Variants in RRM2B observed in about 807,000 individuals in gnomAD.
RRM2B encodes ribonucleotide reductase regulatory TP53 inducible subunit M2B.
A neutral mutation model predicts 45.9 loss-of-function variants in RRM2B; 20 were observed. That is an observed-to-expected ratio of 0.44 (90% CI 0.31 to 0.63). The LOEUF (loss-of-function observed/expected upper bound fraction) is 0.63, where lower values mean the gene tolerates loss of function less well. RRM2B is among the 30% of genes least tolerant of loss of function. The pLI, the probability that RRM2B is intolerant of heterozygous loss-of-function variation, is 0.09. For missense variants in RRM2B, 320 were observed against 414.7 expected, an observed-to-expected ratio of 0.77 and a Z score of 1.98; for synonymous variants, 124 against 132.3, an observed-to-expected ratio of 0.94 and a Z score of 0.43.
intron 1 of RRM2B, among the ~76,000 whole-genome samples, chr8:102,233,165 G>GTC (rs917174993): frequency 2.6e-5 from 4 of 152,094 alleles, no homozygotes; most frequent in Non-Finnish European, 5.9e-5. Context: ...ATCCAAAACT[G>GTC]TCTCTCTCTC....
At chr8:102,238,707 G>A in intron 1 of RRM2B, 120 bp downstream of exon 1, 2 of 1,568,146 alleles carry the variant, frequency 1.3e-6, no homozygotes, top group Non-Finnish European at 1.7e-6. Flanking sequence ...TGCGGCGAGG[G>A]CGGGCGGACA....
At chr8:102,225,270 T>C (rs866686894) in intron 3 of RRM2B, among the ~76,000 whole-genome samples, 1 of 145,616 alleles carries the variant, frequency 6.9e-6, no homozygotes, top group Non-Finnish European at 1.5e-5. Flanking sequence ...AGTCTCGATC[T>C]GTCACCAGGC....
At chr8:102,228,833 GA>G (rs1810979496) in intron 2 of RRM2B, among the ~76,000 whole-genome samples, 2 of 152,242 alleles carry the variant, frequency 1.3e-5, no homozygotes, top group African/African-American at 2.4e-5. Context: ...TCCCACCCAC[GA>G]AGGGATCGGA....
At chr8:102,231,820 G>C (rs1811033605) in intron 2 of RRM2B, among the ~76,000 whole-genome samples, 1 of 143,090 alleles carries the variant, frequency 7.0e-6, no homozygotes, top group Non-Finnish European at 1.5e-5. Context: ...AGTGAGCTGA[G>C]ATCGCGCCAC....
chr8:102,223,556 G>A (rs973673101), intron 5 of RRM2B, among the ~76,000 whole-genome samples: 14 of 151,988 alleles, frequency 9.2e-5, no homozygotes, highest in African/African-American at 2.4e-4. Context: ...TAAGCTGAGC[G>A]TGGTGGTAGG....
At chr8:102,226,160 G>T in intron 2 of RRM2B, 126 bp from the exon 3 acceptor site, 2 of 670,558 alleles carry the variant, frequency 3.0e-6, no homozygotes, top group South Asian at 3.2e-5. Context: ...AAAGAAAGAT[G>T]TTAGCACTGC....
chr8:102,216,343 A>G (rs994558272), intron 6 of RRM2B, among the ~76,000 whole-genome samples: 4 of 152,036 alleles, frequency 2.6e-5, no homozygotes, highest in African/African-American at 7.2e-5. Flanking sequence ...AAAAACCAAG[A>G]AAAAAAATGT....
intron 2 of RRM2B, among the ~76,000 whole-genome samples, chr8:102,230,246 A>G (rs1226462445): frequency 6.6e-6 from 1 of 152,244 alleles, no homozygotes; most frequent in African/African-American, 2.4e-5. Flanking sequence ...TAAATGAAAA[A>G]TATGTGGAAC....
chr8:102,235,015 T>C (rs188680252), intron 1 of RRM2B, among the ~76,000 whole-genome samples: 4 of 152,308 alleles, frequency 2.6e-5, no homozygotes, highest in Non-Finnish European at 4.4e-5. Context: ...GTTAAAGTGG[T>C]CTGCTTTGAT....
In RRM2B at chr8:102,235,081, A is replaced by C. The variant is rs181109948; in HGVS notation, c.49-2777T>G. ...GATGTATGCTATTGGGAGCCACTGA[A>C]GGTTTTTAATAAGGCAAATAACATA... On this transcript the variant is annotated intron_variant, in intron 1 of 8. Coordinates refer to ENST00000251810, the MANE Select transcript of RRM2B (RefSeq NM_015713.5). 4.6e-5 allele frequency among the ~76,000 whole-genome samples: 7 copies of C among 152,312 alleles called. No homozygotes were observed. In the East Asian group the frequency reaches 9.6e-4, roughly 21 times the overall value.
chr8:102,231,868 CAAAAAAAAAA>C (rs1250881056), intron 2 of RRM2B, among the ~76,000 whole-genome samples: 1 of 61,696 alleles, frequency 1.6e-5, no homozygotes, highest in Non-Finnish European at 3.7e-5. Context: ...GACTCTGTCT[CAAAAAAAAAA>C]AAAAAAAAGA....
At chr8:102,215,961 A>T (rs1234447381) in intron 6 of RRM2B, among the ~76,000 whole-genome samples, 2 of 151,160 alleles carry the variant, frequency 1.3e-5, no homozygotes, top group East Asian at 3.9e-4. Flanking sequence ...AAAAAAAAAA[A>T]AAAAAGAATA....
chr8:102,231,439 T>G (rs1811027046), intron 2 of RRM2B, among the ~76,000 whole-genome samples: 2 of 152,182 alleles, frequency 1.3e-5, no homozygotes, highest in Admixed American at 1.3e-4. Context: ...ATCAGATAAA[T>G]CTCTCAATTG....
At chr8:102,226,408 C>T (rs929839935) in intron 2 of RRM2B, among the ~76,000 whole-genome samples, 2 of 150,710 alleles carry the variant, frequency 1.3e-5, no homozygotes, top group African/African-American at 4.9e-5. Context: ...AAGATGGAAT[C>T]GAATTTTCTG....
intron 8 of RRM2B, among the ~76,000 whole-genome samples, chr8:102,210,395 T>C (rs1450702584): frequency 6.6e-6 from 1 of 151,980 alleles, no homozygotes; most frequent in African/African-American, 2.4e-5. Flanking sequence ...AAATTAGATC[T>C]AAGTCATTCA....
At chr8:102,227,458 G>A (rs1379897234) in intron 2 of RRM2B, among the ~76,000 whole-genome samples, 1 of 152,066 alleles carries the variant, frequency 6.6e-6, no homozygotes, top group East Asian at 1.9e-4. Flanking sequence ...ACAAAACCAT[G>A]CCTGGCTAAT....
At chr8:102,213,995 T>C (rs1810680610) in intron 7 of RRM2B, 59 bp downstream of exon 7, 3 of 1,138,580 alleles carry the variant, frequency 2.6e-6, no homozygotes, top group Non-Finnish European at 4.0e-6. Context: ...GTCAATATAA[T>C]AGTGGTACAA....
In RRM2B at chr8:102,232,309, G is replaced by A; in HGVS notation, c.49-5C>T. 6.2e-7 allele frequency: 1 copy of A among 1,613,336 alleles called. No individual in the cohort carries two copies. Among genetic ancestry groups the A allele is most frequent in the Non-Finnish European group, 8.5e-7 (1 of 1,179,524 alleles). ...GTTGGTGTCTGAAGATGATCTCTTT[G>A]AAAAATAAAGTACAAACACGCCTTT... On this transcript the variant is annotated splice_polypyrimidine_tract_variant and splice_region_variant and intron_variant, in intron 1 of 8. Coordinates refer to ENST00000251810, the MANE Select transcript of RRM2B (RefSeq NM_015713.5).
At chr8:102,210,408 G>C (rs1360106286) in intron 8 of RRM2B, among the ~76,000 whole-genome samples, 1 of 151,782 alleles carries the variant, frequency 6.6e-6, no homozygotes, top group Non-Finnish European at 1.5e-5. Context: ...GTCATTCATG[G>C]CATGGACAAA....
Sources: allele counts gnomAD v4.1 joint callset (sites outside exome capture counted in the v4.1 genomes callset), GRCh38; gene constraint gnomAD v4.1.1; transcripts MANE v1.5; gene names NCBI Gene and HGNC (gene_info 2026-07-23, HGNC 2026-07-21).